The following MGA variants were observed in gnomAD, a reference collection of about 807,000 sequenced individuals.
MGA encodes MAX dimerization protein MGA.
MGA carries 40 observed loss-of-function variants against 261.1 expected under a neutral mutation model. The observed-to-expected ratio is 0.15, with a 90% CI of 0.12 to 0.20. MGA has a LOEUF of 0.20. MGA is among the 10% of genes least tolerant of loss of function. The pLI, the probability that MGA is intolerant of heterozygous loss-of-function variation, is 1.00. For missense variants in MGA, 3,397 were observed against 3,630.5 expected (o/e 0.94, Z 1.65); for synonymous variants, 1,302 against 1,290.6 (o/e 1.01, Z -0.19).
intron 11 of MGA, among the ~76,000 whole-genome samples, chr15:41,731,979 A>G (rs1291211175): frequency 6.6e-6 from 1 of 152,156 alleles, no homozygotes; most frequent in African/African-American, 2.4e-5. Context: ...TACCTTATTT[A>G]ACCATATGAG....
chr15:41,632,454 C>A (rs993022997), intron 1 of MGA, among the ~76,000 whole-genome samples: 1 of 152,214 alleles, frequency 6.6e-6, no homozygotes, highest in Middle Eastern at 3.2e-3. Flanking sequence ...ACCAAGAAGT[C>A]TGGGACATGA....
At chr15:41,676,276 G>A (rs927780245) in intron 2 of MGA, among the ~76,000 whole-genome samples, 5 of 151,950 alleles carry the variant, frequency 3.3e-5, no homozygotes, top group Non-Finnish European at 7.4e-5. Flanking sequence ...TCCATGTCCT[G>A]GGTTCAAGTG....
In MGA at chr15:41,749,640, C is replaced by T; in HGVS notation, c.6033C>T (p.Asn2011=). 1 of 1,614,000 alleles carries T rather than the reference C, an allele frequency of 6.2e-7. No homozygotes were observed. The highest frequency in any genetic ancestry group is 1.1e-5 in the South Asian group (1 of 91,086). ...CTGAGGCTAATGTAATAAAACAAAA[C>T]TCAGGAGCTGCTACCTCAGAAGAAA... is the stretch of plus-strand genomic sequence containing the variant. Residue 2011 remains asparagine, a synonymous_variant, in exon 17 of 24, where the codon AAC becomes AAT. Transcript: ENST00000219905.
chr15:41,644,047 A>G (rs949234729), intron 1 of MGA, among the ~76,000 whole-genome samples: 4 of 152,050 alleles, frequency 2.6e-5, no homozygotes. Flanking sequence ...TTTTGAGTCA[A>G]TGTTCTGCTG....
chr15:41,759,628 A>G (rs888146334), intron 19 of MGA, among the ~76,000 whole-genome samples: 1 of 152,054 alleles, frequency 6.6e-6, no homozygotes, highest in Non-Finnish European at 1.5e-5. Flanking sequence ...TTTAAGTCCT[A>G]TATGCAAAGA....
Position 41,734,538 on chromosome 15 carries a change from A to G in MGA, c.3860A>G (p.Gln1287Arg). 6.2e-7 allele frequency: 1 copy of G among 1,609,154 alleles called. No individual in the cohort carries two copies. The highest frequency in any genetic ancestry group is 2.2e-5 in the East Asian group (1 of 44,730). The change falls in exon 12 of 24, where the codon CAG becomes CGG. Residue 1287 changes from glutamine (Q) to arginine (R), a missense_variant. This residue lies in a region of MGA where 1,410 missense variants were observed against 1,386.4 expected (regional missense o/e 1.02). Transcript: ENST00000219905. ...CTCCTTCAGGAACCTGATTCTGAAC[A>G]GCAGCCCTTAAAACAACTCACCTGT...
intron 2 of MGA, among the ~76,000 whole-genome samples, chr15:41,692,387 G>A (rs1595741471): frequency 6.6e-6 from 1 of 152,168 alleles, no homozygotes; most frequent in East Asian, 1.9e-4. Flanking sequence ...TGGGGTCCTC[G>A]AGATTCTGCC....
chr15:41,663,919 A>G (rs1025619666), intron 1 of MGA, among the ~76,000 whole-genome samples: 10 of 151,986 alleles, frequency 6.6e-5, no homozygotes, highest in African/African-American at 2.2e-4. Flanking sequence ...TTTATCTTAG[A>G]AAAAAAAGAA....
intron 1 of MGA, among the ~76,000 whole-genome samples, chr15:41,623,955 G>A (rs534149460): frequency 1.7e-4 from 26 of 151,332 alleles, no homozygotes; most frequent in African/African-American, 5.8e-4. Flanking sequence ...TAGTTGAGGC[G>A]GGGTTTCACC....
At chr15:41,757,889 C>G (rs1330122050) in intron 19 of MGA, 50 bp downstream of exon 19, 1 of 1,472,382 alleles carries the variant, frequency 6.8e-7, no homozygotes, top group East Asian at 2.3e-5. Flanking sequence ...AAATTGTTAA[C>G]ATTTATCTTA....
intron 2 of MGA, among the ~76,000 whole-genome samples, chr15:41,673,509 T>A (rs1436755261): frequency 6.7e-6 from 1 of 148,482 alleles, no homozygotes; most frequent in African/African-American, 2.5e-5. Flanking sequence ...TGAGCTACCA[T>A]GCCCAGCTGT....
chr15:41,752,519 TAGTGGAACTTACATA>T (rs943590143), intron 17 of MGA, among the ~76,000 whole-genome samples: 1 of 151,644 alleles, frequency 6.6e-6, no homozygotes, highest in Non-Finnish European at 1.5e-5. Context: ...CTATTACTAT[TAGTGGAACTTACATA>T]ATAGAACCTT....
intron 5 of MGA, among the ~76,000 whole-genome samples, chr15:41,705,535 A>C (rs1433648666): frequency 6.6e-6 from 1 of 151,912 alleles, no homozygotes; most frequent in East Asian, 1.9e-4. Context: ...CTAATTTTTA[A>C]ATTTTTTGTA....
In MGA at chr15:41,748,488, G is replaced by A. The variant is rs554644613; in HGVS notation, c.5213-149G>A. 1.1e-4 allele frequency: 88 copies of A among 784,156 alleles called. 2 individuals are homozygous for A. The South Asian group carries it at 1.4e-3, about 12-fold the overall frequency. The allele number at this position is 784,156 out of a possible 1,614,324, so 48.6% of individuals were successfully genotyped here. A position where few individuals can be genotyped will look rare whatever the true frequency, so the allele number is the denominator to read the frequency against. ...AGAATCACTTGAACTAGGGAGGTGCGGAGGTTGTAGTCAGTCGAGGTTGTG... is the reference window on the plus strand; with the variant it reads ...AGAATCACTTGAACTAGGGAGGTGCAGAGGTTGTAGTCAGTCGAGGTTGTG... On this transcript the variant is annotated intron_variant, in intron 15 of 23. Transcript: ENST00000219905.
intron 1 of MGA, among the ~76,000 whole-genome samples, chr15:41,632,121 G>C (rs1203638339): frequency 6.6e-6 from 1 of 152,130 alleles, no homozygotes; most frequent in Non-Finnish European, 1.5e-5. Flanking sequence ...TACGCAACTT[G>C]TTTTATCCAT....
chr15:41,755,745 G>A (rs1426388632), intron 18 of MGA, among the ~76,000 whole-genome samples: 17 of 152,242 alleles, frequency 1.1e-4, no homozygotes, highest in African/African-American at 3.1e-4. Context: ...TAGGCTGGGC[G>A]TGGTGGCTCA....
At chr15:41,761,943 C>A (rs2063482244) in intron 21 of MGA, 93 bp downstream of exon 21, 1 of 1,113,212 alleles carries the variant, frequency 9.0e-7, no homozygotes, top group East Asian at 2.6e-5. Context: ...TAATTGAAAG[C>A]TTGGCTCCCA....
intron 1 of MGA, among the ~76,000 whole-genome samples, chr15:41,663,595 G>A (rs2057546587): frequency 6.6e-6 from 1 of 151,522 alleles, no homozygotes; most frequent in African/African-American, 2.4e-5. Context: ...TCATCCTCCC[G>A]AGTAGCTGGG....
At chr15:41,697,715 C>T (rs924158369) in intron 3 of MGA, among the ~76,000 whole-genome samples, 20 of 151,858 alleles carry the variant, frequency 1.3e-4, no homozygotes, top group African/African-American at 4.8e-4. Flanking sequence ...CGCTCCTGGC[C>T]CTGGTTTTCA....
Sources: gnomAD v4.1 joint callset for allele counts (sites outside exome capture counted in the v4.1 genomes callset) on GRCh38, gnomAD v4.1.1 for gene constraint, gnomAD v4.1.1 regional missense constraint, MANE v1.5 for transcripts, NCBI Gene and HGNC (gene_info 2026-07-23, HGNC 2026-07-21) for gene names.